The following CEP83 variants were observed in gnomAD, a reference collection of about 807,000 sequenced individuals.
CEP83 encodes the protein centrosomal protein of 83 kDa.
In CEP83, 70 loss-of-function variants were observed where a neutral mutation model predicts 101.9. That is an observed-to-expected ratio of 0.69 (90% confidence interval 0.57 to 0.84). CEP83 has a LOEUF of 0.84. Among genes scored for constraint, CEP83 ranks in the 40% least tolerant of loss-of-function variants. The probability of loss-of-function intolerance (pLI) is 0.00; values close to 1 mark genes in which losing one functional copy is unlikely to be tolerated. For missense variants in CEP83, 715 were observed against 787.2 expected (o/e 0.91, Z 1.10); for synonymous variants, 264 against 267.9 (o/e 0.99, Z 0.14).
intron 1 of CEP83, among the ~76,000 whole-genome samples, chr12:94,448,969 T>C (rs999218139): frequency 1.5e-5 from 2 of 137,912 alleles, no homozygotes; most frequent in African/African-American, 5.4e-5. Flanking sequence ...AATATAGATA[T>C]GAAAAATAAT....
chr12:94,449,547 G>A (rs2067074543), intron 1 of CEP83, among the ~76,000 whole-genome samples: 1 of 151,016 alleles, frequency 6.6e-6, no homozygotes, highest in Non-Finnish European at 1.5e-5. Flanking sequence ...CTTGAGCCAA[G>A]GAGTTCAAGA....
At chr12:94,279,493 A>C in the CEP83 span, 3 of 1,613,596 alleles carry the variant, frequency 1.9e-6, no homozygotes, top group South Asian at 3.3e-5. Context: ...CGTCTTTGAA[A>C]AAATCCCGGA....
intron 14 of CEP83, among the ~76,000 whole-genome samples, chr12:94,319,352 C>T (rs553632904): frequency 3.3e-5 from 5 of 152,088 alleles, no homozygotes; most frequent in East Asian, 1.9e-4. Flanking sequence ...ACGCAACTCC[C>T]GTATTAGTTA....
At chr12:94,355,519 A>T (rs1337791147) in intron 11 of CEP83, among the ~76,000 whole-genome samples, 1 of 152,180 alleles carries the variant, frequency 6.6e-6, no homozygotes, top group Non-Finnish European at 1.5e-5. Flanking sequence ...AACAAGAACA[A>T]ACAAAGCCCA....
chr12:94,329,359 T>C (rs952378230), intron 14 of CEP83, among the ~76,000 whole-genome samples: 8 of 152,126 alleles, frequency 5.3e-5, no homozygotes, highest in African/African-American at 1.9e-4. Context: ...CTTGAACTCC[T>C]GGGCTCAAGC....
chr12:94,376,726 CACACACATATAT>C (rs1464946444), intron 7 of CEP83, among the ~76,000 whole-genome samples: 14 of 119,328 alleles, frequency 1.2e-4, no homozygotes, highest in Admixed American at 7.1e-4. Flanking sequence ...CACACACACA[CACACACATATAT>C]ATATATATAT....
intron 2 of CEP83, among the ~76,000 whole-genome samples, 162 bp from the exon 3 acceptor site, chr12:94,412,753 G>C (rs2063977163): frequency 7.5e-6 from 1 of 133,742 alleles, no homozygotes; most frequent in Admixed American, 8.0e-5. Flanking sequence ...GCAATGGTGT[G>C]ATCTCGGCTC....
chr12:94,268,002 T>C, the CEP83 span, among the ~76,000 whole-genome samples: 151,746 of 152,214 alleles, frequency 1, 75,640 homozygotes, highest in Middle Eastern at 1. Flanking sequence ...GCTGGGGAGG[T>C]GGGAGGTTGG....
At chr12:94,387,988 G>A (rs180923995) in intron 6 of CEP83, among the ~76,000 whole-genome samples, 20 of 152,254 alleles carry the variant, frequency 1.3e-4, no homozygotes, top group African/African-American at 4.1e-4. Flanking sequence ...TGATGGCTAC[G>A]TAAATTAGTT....
intron 11 of CEP83, among the ~76,000 whole-genome samples, chr12:94,347,068 T>TATACAC (rs561705061): frequency 2.4e-4 from 36 of 147,476 alleles, no homozygotes; most frequent in Admixed American, 6.1e-4. Context: ...TATATATATA[T>TATACAC]ACACATACAC....
At chr12:94,295,700 G>A in the CEP83 span, among the ~76,000 whole-genome samples, 1 of 152,134 alleles carries the variant, frequency 6.6e-6, no homozygotes, top group Admixed American at 6.6e-5. Flanking sequence ...CAGCTAGGGA[G>A]CCACAGAAGA....
chr12:94,442,701 C>G (rs1406192541), intron 1 of CEP83, among the ~76,000 whole-genome samples: 1 of 152,092 alleles, frequency 6.6e-6, no homozygotes, highest in Non-Finnish European at 1.5e-5. Context: ...GAAAAGTTAT[C>G]ACATTTTATC....
intron 4 of CEP83, among the ~76,000 whole-genome samples, chr12:94,409,656 A>G (rs1020475817): frequency 1.3e-5 from 2 of 152,178 alleles, no homozygotes; most frequent in African/African-American, 4.8e-5. Flanking sequence ...GCAGCTTTAA[A>G]TAACAGAAGT....
intron 6 of CEP83, among the ~76,000 whole-genome samples, chr12:94,398,505 T>C (rs566589490): frequency 1.1e-4 from 16 of 152,344 alleles, no homozygotes; most frequent in African/African-American, 2.6e-4. Context: ...CTCTTAATCC[T>C]GTTATCTTCA....
chr12:94,364,190 G>A (rs1219048751), intron 11 of CEP83, among the ~76,000 whole-genome samples: 2 of 151,938 alleles, frequency 1.3e-5, no homozygotes, highest in Non-Finnish European at 2.9e-5. Flanking sequence ...TGGTAATGAT[G>A]GTTCCACAAT....
intron 6 of CEP83, among the ~76,000 whole-genome samples, chr12:94,390,259 G>A (rs1272166561): frequency 3.3e-5 from 5 of 152,146 alleles, no homozygotes; most frequent in African/African-American, 4.8e-5. Flanking sequence ...CCTCTGGGAC[G>A]AAGCCTCCAG....
chr12:94,352,923 C>T (rs1056996644), intron 11 of CEP83, among the ~76,000 whole-genome samples: 3 of 152,098 alleles, frequency 2.0e-5, no homozygotes, highest in Admixed American at 6.5e-5. Flanking sequence ...GTATCAAAAA[C>T]GTTGTAAACA....
downstream of CEP83, chr12:94,306,992 G>GAAC (rs766581495): frequency 7.2e-5 from 11 of 152,210 alleles, no homozygotes; most frequent in Non-Finnish European, 1.6e-4. Context: ...GTTCATAAGA[G>GAAC]AACAACAGTA....
At chr12:94,385,390 G>A (rs187990994) in intron 6 of CEP83, among the ~76,000 whole-genome samples, 14 of 152,264 alleles carry the variant, frequency 9.2e-5, no homozygotes, top group East Asian at 3.9e-4. Context: ...AGCAGGATGA[G>A]GGCAGGGTAC....
Sources: allele counts gnomAD v4.1 joint callset (sites outside exome capture counted in the v4.1 genomes callset), GRCh38; gene constraint gnomAD v4.1.1; transcripts MANE v1.5; gene names NCBI Gene and HGNC (gene_info 2026-07-23, HGNC 2026-07-21).